Variants in DGKH observed in about 807,000 individuals in gnomAD.
DGKH encodes DAG kinase eta.
A neutral mutation model predicts 159.3 loss-of-function variants in DGKH; 90 were observed. The ratio of observed to expected loss-of-function variants is 0.57; its 90% CI spans 0.48 to 0.67. The LOEUF is 0.67. Among genes scored for constraint, DGKH ranks in the 30% least tolerant of loss-of-function variants. DGKH has a pLI of 0.00. For synonymous variants in DGKH, 536 were observed against 553.8 expected, an observed-to-expected ratio of 0.97 and a Z score of 0.45; for missense variants, 1,181 against 1,506.1, an observed-to-expected ratio of 0.78 and a Z score of 3.57.
chr13:42,125,335 C>T (rs1345839570), intron 1 of DGKH, among the ~76,000 whole-genome samples: 1 of 152,192 alleles, frequency 6.6e-6, no homozygotes, highest in Non-Finnish European at 1.5e-5. Flanking sequence ...ATAATAATAA[C>T]ACTTTCTGCC....
chr13:42,198,562 C>T lies in DGKH; in HGVS notation c.2252C>T (p.Ala751Val). 6.2e-7 allele frequency: 1 copy of T among 1,613,272 alleles called. No individual in the cohort carries two copies. Among genetic ancestry groups the T allele is most frequent in the Non-Finnish European group, 8.5e-7 (1 of 1,179,740 alleles). ...MLLANIDPFGATPFIDPDLDS... is the reference protein window; with the variant it reads ...MLLANIDPFGVTPFIDPDLDS... The stretch of plus-strand genomic sequence containing the variant: ...CTGGCAAACATTGATCCTTTTGGTG[C>T]CACGCCGTTTATTGACCCGGATCTA... Residue 751 changes from alanine (A) to valine (V), a missense_variant, in exon 18 of 30, where the codon GCC becomes GTC. By Grantham distance (64) the Ala-to-Val change is moderately conservative (BLOSUM62 0). Transcript: ENST00000337343.
rs200033114 is a variant in DGKH, at chr13:42,229,084, G to T, written c.3574-15G>T. On this transcript the variant is annotated splice_polypyrimidine_tract_variant and intron_variant, in intron 29 of 29. Transcript: ENST00000337343. ...TTTTTAATTATTTCTACCTTTTTCT[G>T]TTCTTTTATTTTAGGATCTGGGGAT... The T allele has an allele frequency of 9.4e-5, 147 of 1,570,802 alleles. No homozygotes were observed. Among genetic ancestry groups the T allele is most frequent in the Admixed American group, 1.6e-4 (9 of 55,034 alleles).
intron 11 of DGKH, among the ~76,000 whole-genome samples, chr13:42,172,178 G>A (rs1182310735): frequency 6.6e-6 from 1 of 150,964 alleles, no homozygotes; most frequent in South Asian, 2.1e-4. Flanking sequence ...GAGTTCAGTG[G>A]CACAATCTCG....
chr13:42,255,161 C>A (rs950782403), intron 30 of DGKH, among the ~76,000 whole-genome samples: 1 of 150,842 alleles, frequency 6.6e-6, no homozygotes, highest in Non-Finnish European at 1.5e-5. Flanking sequence ...ATCTAGTGTG[C>A]AGTATTGTTT....
At chr13:42,077,578 T>C (rs1954123995) in intron 1 of DGKH, among the ~76,000 whole-genome samples, 1 of 152,230 alleles carries the variant, frequency 6.6e-6, no homozygotes, top group African/African-American at 2.4e-5. Context: ...TGAAGCAGAA[T>C]AGAAATTGGA....
intron 21 of DGKH, among the ~76,000 whole-genome samples, chr13:42,206,794 C>T (rs1318458910): frequency 6.6e-6 from 1 of 152,052 alleles, no homozygotes; most frequent in East Asian, 1.9e-4. Flanking sequence ...TTACATTGGG[C>T]CCACCTAGAT....
chr13:42,079,107 G>A (rs1315465646), intron 1 of DGKH, among the ~76,000 whole-genome samples: 1 of 151,424 alleles, frequency 6.6e-6, no homozygotes, highest in Non-Finnish European at 1.5e-5. Flanking sequence ...GTAGAGACGG[G>A]GTTTTGCCAT....
intron 14 of DGKH, among the ~76,000 whole-genome samples, chr13:42,188,017 C>A (rs1387428654): frequency 6.6e-6 from 1 of 151,854 alleles, no homozygotes; most frequent in Non-Finnish European, 1.5e-5. Flanking sequence ...AAGGAATTAA[C>A]TTCCCCAAAT....
At chr13:42,085,870 A>G (rs1900413) in intron 1 of DGKH, among the ~76,000 whole-genome samples, 26,309 of 152,162 alleles carry the variant, frequency 0.17, 2,367 homozygotes, top group Non-Finnish European at 0.19. Flanking sequence ...AAAGATATTT[A>G]CTACATACTG....
intron 1 of DGKH, among the ~76,000 whole-genome samples, chr13:42,103,595 T>C (rs1056387289): frequency 7.2e-5 from 11 of 152,184 alleles, no homozygotes; most frequent in African/African-American, 2.4e-4. Context: ...AAAAGGGTTC[T>C]CTCTTGCTGT....
intron 29 of DGKH, among the ~76,000 whole-genome samples, chr13:42,223,528 G>A (rs1473822502): frequency 6.6e-6 from 1 of 152,056 alleles, no homozygotes; most frequent in Non-Finnish European, 1.5e-5. Flanking sequence ...TTGGGAGTCC[G>A]AGGCGGGCGG....
At position 42,082,491 on chromosome 13, in the gene DGKH, T is replaced by C. The variant is rs79047123; in HGVS notation, c.192+33526T>C. Among the ~76,000 whole-genome samples, 338 of 152,334 alleles carry C rather than the reference T, an allele frequency of 2.2e-3. 1 individual carries two copies. Among genetic ancestry groups the C allele is most frequent in the Middle Eastern group, 0.01 (3 of 294 alleles). ...TCAATTTCTATTACAGGATTTTTCC[T>C]TCCCCAGAGTTAATACATTTCCAAG... is the stretch of plus-strand genomic sequence containing the variant. On this transcript the variant is annotated intron_variant, in intron 1 of 29. Coordinates refer to ENST00000337343, the MANE Select transcript of DGKH (RefSeq NM_178009.5).
intron 7 of DGKH, among the ~76,000 whole-genome samples, chr13:42,163,814 C>T (rs1956250442): frequency 6.6e-6 from 1 of 151,596 alleles, no homozygotes; most frequent in South Asian, 2.1e-4. Flanking sequence ...TTGTAGGTTG[C>T]CTGTTCACTC....
At chr13:42,169,519 C>G (rs1484626695) in intron 11 of DGKH, among the ~76,000 whole-genome samples, 2 of 152,110 alleles carry the variant, frequency 1.3e-5, no homozygotes, top group African/African-American at 4.8e-5. Flanking sequence ...ACTCAGTAAC[C>G]AGCCACTCCC....
chr13:42,207,113 CTCTT>C (rs1957515043), intron 21 of DGKH, among the ~76,000 whole-genome samples: 1 of 77,232 alleles, frequency 1.3e-5, no homozygotes, highest in Non-Finnish European at 2.5e-5. Context: ...TTCTTTCTTT[CTCTT>C]TCTCTCTCCT....
chr13:42,190,640 G>A, intron 16 of DGKH, 115 bp downstream of exon 16: 1 of 1,061,462 alleles, frequency 9.4e-7, no homozygotes, highest in Non-Finnish European at 1.3e-6. Context: ...TTTTGAAAAG[G>A]CTTTTTGGAA....
intron 21 of DGKH, among the ~76,000 whole-genome samples, chr13:42,207,873 T>A (rs1329092179): frequency 6.6e-6 from 1 of 152,000 alleles, no homozygotes; most frequent in East Asian, 1.9e-4. Flanking sequence ...AATTGGAAAG[T>A]ATTTGTAATT....
chr13:42,215,761 C>T (rs1294780164), intron 26 of DGKH, 94 bp downstream of exon 26: 8 of 1,108,492 alleles, frequency 7.2e-6, no homozygotes, highest in South Asian at 1.6e-5. Context: ...GATTCTAAGG[C>T]AGAAGCAGCC....
intron 1 of DGKH, among the ~76,000 whole-genome samples, chr13:42,124,511 G>GA (rs1188231097): frequency 6.6e-6 from 1 of 152,154 alleles, no homozygotes; most frequent in African/African-American, 2.4e-5. Flanking sequence ...TCCATGTTAT[G>GA]AAATATTGCT....
Sources: allele counts gnomAD v4.1 joint callset (sites outside exome capture counted in the v4.1 genomes callset), GRCh38; gene constraint gnomAD v4.1.1; transcripts MANE v1.5; gene names NCBI Gene and HGNC (gene_info 2026-07-23, HGNC 2026-07-21).